Variants in PARD3B observed in about 807,000 individuals in gnomAD.
PARD3B encodes partitioning defective 3 homolog B.
A neutral mutation model predicts 130.2 loss-of-function variants in PARD3B; 103 were observed. The ratio of observed to expected loss-of-function variants is 0.79; its 90% CI spans 0.67 to 0.93. PARD3B has a LOEUF of 0.93. Ranked by LOEUF, PARD3B falls within the 40% of genes least tolerant of loss-of-function variation. The pLI, the probability that PARD3B is intolerant of heterozygous loss-of-function variation, is 0.00. For missense variants in PARD3B, 1,609 were observed against 1,499.2 expected, an observed-to-expected ratio of 1.07 and a Z score of -1.21; for synonymous variants, 583 against 553.2, an observed-to-expected ratio of 1.05 and a Z score of -0.76.
intron 2 of PARD3B, among the ~76,000 whole-genome samples, chr2:204,814,274 G>GAGAT (rs1443777685): frequency 4.0e-5 from 6 of 151,616 alleles, no homozygotes; most frequent in African/African-American, 1.2e-4. Context: ...CTGACATAAA[G>GAGAT]AGATACAATT....
chr2:204,808,323 ATTTGT>A (rs1028618694), intron 2 of PARD3B, among the ~76,000 whole-genome samples: 1 of 151,666 alleles, frequency 6.6e-6, no homozygotes, highest in African/African-American at 2.4e-5. Flanking sequence ...TGTACTTCTC[ATTTGT>A]TTTGTTTTGT....
At position 204,914,200 on chromosome 2, in the gene PARD3B, G is replaced by C. The variant is rs537118848; in HGVS notation, c.223-50952G>C. Reference sequence around the variant, plus strand: ...GATTCAGTCTGTGAGATGAGGGTCTGTTAACAAGAACCTCTCTTGCTTTGA... The same window carrying C: ...GATTCAGTCTGTGAGATGAGGGTCTCTTAACAAGAACCTCTCTTGCTTTGA... On this transcript the variant is annotated intron_variant, in intron 2 of 22. Coordinates refer to ENST00000406610, the MANE Select transcript of PARD3B (RefSeq NM_001302769.2). Among the ~76,000 whole-genome samples, 14 of 152,274 alleles carry C rather than the reference G, an allele frequency of 9.2e-5. No individual in the cohort carries two copies. The East Asian group carries it at 2.7e-3, about 29-fold the overall frequency.
At chr2:205,086,641 G>C (rs1216572953) in intron 4 of PARD3B, among the ~76,000 whole-genome samples, 1 of 152,142 alleles carries the variant, frequency 6.6e-6, no homozygotes, top group Non-Finnish European at 1.5e-5. Flanking sequence ...TGACAGTGGT[G>C]GAGGAAATGG....
intron 2 of PARD3B, among the ~76,000 whole-genome samples, chr2:204,838,809 T>A (rs963324830): frequency 2.0e-5 from 3 of 152,158 alleles, no homozygotes; most frequent in African/African-American, 7.2e-5. Flanking sequence ...TATTAAATTA[T>A]TACATGTAAC....
intron 18 of PARD3B, among the ~76,000 whole-genome samples, chr2:205,395,919 G>A (rs1293229128): frequency 2.0e-5 from 3 of 152,132 alleles, no homozygotes; most frequent in Non-Finnish European, 4.4e-5. Flanking sequence ...CGCCTTGAAT[G>A]ACTGAGAAAT....
chr2:205,505,302 G>A (rs2106355632), intron 21 of PARD3B, among the ~76,000 whole-genome samples: 1 of 152,182 alleles, frequency 6.6e-6, no homozygotes, highest in South Asian at 2.1e-4. Flanking sequence ...ATGACGAGTT[G>A]CTGGGTGCAG....
intron 22 of PARD3B, among the ~76,000 whole-genome samples, chr2:205,601,348 A>AT (rs542629062): frequency 1.5e-4 from 22 of 151,204 alleles, no homozygotes; most frequent in African/African-American, 4.6e-4. Context: ...TTTTAATGGG[A>AT]TTTTTTTTCC....
chr2:205,536,149 A>G (rs920093393), intron 21 of PARD3B, among the ~76,000 whole-genome samples: 1 of 152,166 alleles, frequency 6.6e-6, no homozygotes, highest in African/African-American at 2.4e-5. Context: ...GGTATTAGCT[A>G]TGAGCAGGTA....
chr2:204,779,162 T>A (rs1246501528), intron 2 of PARD3B, among the ~76,000 whole-genome samples: 3 of 152,158 alleles, frequency 2.0e-5, no homozygotes, highest in African/African-American at 4.8e-5. Flanking sequence ...ATAAATTATT[T>A]TTTTCCTCAG....
chr2:205,545,155 A>T (rs1364688713), intron 21 of PARD3B, among the ~76,000 whole-genome samples: 2 of 152,232 alleles, frequency 1.3e-5, no homozygotes, highest in Non-Finnish European at 2.9e-5. Flanking sequence ...TAGCTCAGGC[A>T]TATTATACCA....
At chr2:204,627,741 C>T (rs2034535699) in intron 1 of PARD3B, among the ~76,000 whole-genome samples, 1 of 152,046 alleles carries the variant, frequency 6.6e-6, no homozygotes, top group Non-Finnish European at 1.5e-5. Context: ...ATGATGGGAA[C>T]CTGGAATTCA....
chr2:204,938,156 T>C lies in PARD3B; in HGVS notation c.223-26996T>C, dbSNP rs76502425. On this transcript the variant is annotated intron_variant, in intron 2 of 22. Coordinates refer to ENST00000406610, the MANE Select transcript of PARD3B (RefSeq NM_001302769.2). ...TCCAGATTTTTAATACAATTTCTCATTGGAAATATTAAAGGGGGAAAAAAG... is the reference window on the plus strand; with the variant it reads ...TCCAGATTTTTAATACAATTTCTCACTGGAAATATTAAAGGGGGAAAAAAG... Among the ~76,000 whole-genome samples the C allele has an allele frequency of 8.1e-3, 1,229 of 152,272 alleles. 24 individuals carry two copies. The highest frequency in any genetic ancestry group is 0.026 in the African/African-American group (1,085 of 41,530).
chr2:204,983,122 C>G (rs748490325), intron 3 of PARD3B, among the ~76,000 whole-genome samples: 2 of 152,060 alleles, frequency 1.3e-5, no homozygotes, highest in Non-Finnish European at 2.9e-5. Context: ...TTTCTTAGCT[C>G]GGTGACCTGA....
At chr2:205,170,294 A>G (rs2035082208) in intron 11 of PARD3B, among the ~76,000 whole-genome samples, 1 of 152,166 alleles carries the variant, frequency 6.6e-6, no homozygotes, top group Non-Finnish European at 1.5e-5. Flanking sequence ...GATAACAGAA[A>G]TGAAGAGATT....
chr2:205,535,210 A>C (rs1487610796), intron 21 of PARD3B, among the ~76,000 whole-genome samples: 1 of 152,292 alleles, frequency 6.6e-6, no homozygotes, highest in Non-Finnish European at 1.5e-5. Context: ...AACAGCCACT[A>C]ATCATGTACA....
intron 11 of PARD3B, among the ~76,000 whole-genome samples, chr2:205,171,762 G>A (rs1454576804): frequency 6.6e-6 from 1 of 152,156 alleles, no homozygotes; most frequent in African/African-American, 2.4e-5. Flanking sequence ...CATTACTACT[G>A]TCAAGCACAC....
chr2:204,820,071 C>T (rs1209137824), intron 2 of PARD3B, among the ~76,000 whole-genome samples: 55 of 98,418 alleles, frequency 5.6e-4, no homozygotes, highest in East Asian at 3.9e-3. Context: ...AAACAATAGA[C>T]TTTTTTTTTT....
At chr2:204,979,067 G>A (rs542088393) in intron 3 of PARD3B, among the ~76,000 whole-genome samples, 60 of 151,972 alleles carry the variant, frequency 3.9e-4, no homozygotes, top group African/African-American at 1.2e-3. Context: ...TTAGCCGGGC[G>A]TGGTGGCGGG....
chr2:204,562,131 G>A (rs11904064), intron 1 of PARD3B, among the ~76,000 whole-genome samples: 9,359 of 152,048 alleles, frequency 0.062, 934 homozygotes, highest in African/African-American at 0.21. Context: ...ACTTACCTTT[G>A]CTGTGAATGA....
Sources: allele counts gnomAD v4.1 joint callset (sites outside exome capture counted in the v4.1 genomes callset), GRCh38; gene constraint gnomAD v4.1.1; transcripts MANE v1.5; gene names NCBI Gene and HGNC (gene_info 2026-07-23, HGNC 2026-07-21).